Variants in RTEL1 observed in about 807,000 individuals in gnomAD.
RTEL1 encodes the protein regulator of telomere length.
RTEL1 carries 86 observed loss-of-function variants against 162.2 expected under a neutral mutation model. The ratio of observed to expected loss-of-function variants is 0.53; its 90% CI spans 0.45 to 0.63. The LOEUF is 0.63. Ranked by LOEUF, RTEL1 falls within the 30% of genes least tolerant of loss-of-function variation. The probability of loss-of-function intolerance (pLI) is 0.00; values close to 1 mark genes in which losing one functional copy is unlikely to be tolerated. For missense variants in RTEL1, 1,941 were observed against 1,750.2 expected (o/e 1.11, Z -1.95); for synonymous variants, 958 against 717.9 (o/e 1.33, Z -5.35).
intron 7 of RTEL1, 22 bp downstream of exon 7, chr20:63,666,101 A>T (rs2090121488): frequency 1.2e-6 from 2 of 1,600,302 alleles, no homozygotes; most frequent in Admixed American, 3.3e-5. Context: ...CAGTGAGGCC[A>T]CGACCACTGT....
At chr20:63,680,857 T>A (rs1291068233) in intron 14 of RTEL1, 138 bp downstream of exon 14, 1 of 1,498,554 alleles carries the variant, frequency 6.7e-7, no homozygotes, top group South Asian at 1.3e-5. Flanking sequence ...ATTGGCAAAC[T>A]CTCGGCTCCT....
intron 14 of RTEL1, among the ~76,000 whole-genome samples, chr20:63,683,268 C>G (rs1477526395): frequency 6.6e-6 from 1 of 152,226 alleles, no homozygotes; most frequent in Admixed American, 6.5e-5. Context: ...GCCTGCCCAG[C>G]AGAAGGCTTT....
Position 63,693,474 on chromosome 20 carries a change from T to A in RTEL1, c.2992+191T>A, listed in dbSNP as rs13040927. ...CACCACCTCCACCTCCACCTCCACC[T>A]CCACCTCCACCACCACCTCCACCTC... On this transcript the variant is annotated intron_variant, in intron 30 of 34. Coordinates refer to ENST00000360203, the MANE Select transcript of RTEL1 (RefSeq NM_001283009.2). Among the ~76,000 whole-genome samples the A allele has an allele frequency of 0.41, 3,414 of 8,312 alleles. 470 individuals are homozygous for A. The highest frequency in any genetic ancestry group is 0.48 in the Admixed American group (357 of 748). 5.5% of individuals were successfully genotyped at this position (8,312 alleles called of 152,430 possible). A position where few individuals can be genotyped will look rare whatever the true frequency, so the allele number is the denominator to read the frequency against.
intron 30 of RTEL1, among the ~76,000 whole-genome samples, chr20:63,693,975 G>A (rs2090895317): frequency 6.6e-6 from 1 of 151,510 alleles, no homozygotes; most frequent in Non-Finnish European, 1.5e-5. Context: ...TTGGGGTGGA[G>A]TCCAAGTCTC....
In RTEL1 at chr20:63,661,730, A is replaced by G. The variant is rs1375406614; in HGVS notation, c.302-120A>G. 6.2e-6 allele frequency: 6 copies of G among 974,072 alleles called. No individual in the cohort carries two copies. The highest frequency in any genetic ancestry group is 9.6e-6 in the Non-Finnish European group (6 of 625,432). 60.3% of individuals were successfully genotyped at this position (974,072 alleles called of 1,614,324 possible). A position where few individuals can be genotyped will look rare whatever the true frequency, so the allele number is the denominator to read the frequency against. On this transcript the variant is annotated intron_variant, in intron 3 of 34. Coordinates refer to ENST00000360203, the MANE Select transcript of RTEL1 (RefSeq NM_001283009.2). The surrounding 1 kb of genome is among the most constrained non-coding windows in gnomAD (Gnocchi z 5.1). ...CTTCACCCATTTTTGATAAACCAGT[A>G]TCTGGGGTGTCAGATTCTTGGCTGT...
intron 30 of RTEL1, among the ~76,000 whole-genome samples, chr20:63,693,897 G>C (rs891388787): frequency 2.7e-5 from 4 of 150,234 alleles, no homozygotes; most frequent in African/African-American, 9.8e-5. Flanking sequence ...GCATGGTCCT[G>C]GGGGGTCAAC....
chr20:63,692,963 C>G lies in RTEL1; in HGVS notation c.2811C>G (p.Pro937=). The change falls in exon 29 of 35, where the codon CCC becomes CCG. Residue 937 remains proline (P), a synonymous_variant. Transcript: ENST00000360203. The part of the protein sequence containing the change: ...DFAALAACLG[P]LFAEDPKKHN... ...CCGCCCTGGCCGCCTGTCTCGGCCC[C>G]CTCTTTGCTGAGGACCCCAAGAAGC... The G allele has an allele frequency of 6.2e-7, 1 of 1,612,662 alleles. No homozygotes were observed. Among genetic ancestry groups the G allele is most frequent in the Non-Finnish European group, 8.5e-7 (1 of 1,179,850 alleles).
intron 12 of RTEL1, 126 bp downstream of exon 12, chr20:63,678,472 G>T: frequency 1.2e-6 from 1 of 863,314 alleles, no homozygotes; most frequent in Non-Finnish European, 1.8e-6. Context: ...CCCTTTTTGA[G>T]ACCTGGGAGG....
chr20:63,661,209 C>T lies in RTEL1; in HGVS notation c.103-89C>T, dbSNP rs751642972. 50 of 1,255,088 alleles carry T rather than the reference C, an allele frequency of 4.0e-5. No homozygotes were observed. Among genetic ancestry groups the T allele is most frequent in the Middle Eastern group, 2.7e-4 (1 of 3,686 alleles). 77.7% of individuals were successfully genotyped at this position (1,255,088 alleles called of 1,614,324 possible). On this transcript the variant is annotated intron_variant, in intron 2 of 34. Transcript: ENST00000360203. The surrounding 1 kb of genome is among the most constrained non-coding windows in gnomAD (Gnocchi z 5.1). ...GCCTCTGCATCTGCAAAGAGCTGCCCGCTGGCTGCCGAAGCTTGTCTCAGG... is the reference window on the plus strand; with the variant it reads ...GCCTCTGCATCTGCAAAGAGCTGCCTGCTGGCTGCCGAAGCTTGTCTCAGG...
chr20:63,695,902 C>T lies in RTEL1; in HGVS notation c.*44C>T, dbSNP rs936817796. 1.0e-5 allele frequency: 16 copies of T among 1,534,056 alleles called. No homozygotes were observed. The highest frequency in any genetic ancestry group is 2.3e-4 in the Middle Eastern group (1 of 4,394). On this transcript the variant is annotated 3_prime_UTR_variant, in exon 35 of 35. Transcript: ENST00000360203. ...AGCACACCCAACGTGGCTTGATCAC[C>T]TGCCTGTCCAGCTCTGGTGGGCCAA...
At chr20:63,665,852 C>G in intron 6 of RTEL1, 152 bp from the exon 7 acceptor site, 3 of 632,930 alleles carry the variant, frequency 4.7e-6, no homozygotes, top group Non-Finnish European at 8.2e-6. Context: ...CACCTGAGAC[C>G]CTCAGTGGGT....
chr20:63,691,873 A>G (rs771644853), intron 28 of RTEL1, 36 bp downstream of exon 28: 1 of 1,561,996 alleles, frequency 6.4e-7, no homozygotes, highest in Non-Finnish European at 8.8e-7. Flanking sequence ...GCCGACCACC[A>G]TAGACACGCA....
In RTEL1 at chr20:63,685,560, G is replaced by C. The variant is rs774289758; in HGVS notation, c.1229G>C (p.Gly410Ala). The C allele has an allele frequency of 3.7e-6, 6 of 1,612,622 alleles. No homozygotes were observed. The highest frequency in any genetic ancestry group is 8.5e-7 in the Non-Finnish European group (1 of 1,179,872). ...GTGGACCCCTCCGAGGGCAGCCCTGGTTCCCCAGCAGGGCTGGGGGCCTTA... is the reference window on the plus strand; with the variant it reads ...GTGGACCCCTCCGAGGGCAGCCCTGCTTCCCCAGCAGGGCTGGGGGCCTTA... ...FSVDPSEGSPGSPAGLGALQS... is the reference protein window; with the variant it reads ...FSVDPSEGSPASPAGLGALQS... The change falls in exon 15 of 35, where the codon GGT (glycine) becomes GCT (alanine). Residue 410 changes from glycine to alanine, a missense_variant. Gly to Ala is a moderately conservative substitution (Grantham distance 60). Transcript: ENST00000360203.
chr20:63,659,568 C>A, intron 2 of RTEL1, 64 bp downstream of exon 2: 1 of 1,244,588 alleles, frequency 8.0e-7, no homozygotes. Context: ...ACGGGGTGTG[C>A]TTCCCTCTCC....
At chr20:63,687,594 C>G in intron 16 of RTEL1, 44 bp from the exon 17 acceptor site, 1 of 1,558,764 alleles carries the variant, frequency 6.4e-7, no homozygotes, top group Non-Finnish European at 8.7e-7. Context: ...GGCCCCCAGT[C>G]CCGTCCTCAC....
chr20:63,680,599 G>A (rs964205355), intron 13 of RTEL1, 65 bp from the exon 14 acceptor site: 4 of 1,562,258 alleles, frequency 2.6e-6, no homozygotes, highest in African/African-American at 2.7e-5. Context: ...TGCTGGAAGG[G>A]CCGGGGCTGG....
At chr20:63,684,834 C>G (rs1411591905) in intron 14 of RTEL1, among the ~76,000 whole-genome samples, 1 of 151,980 alleles carries the variant, frequency 6.6e-6, no homozygotes, top group Non-Finnish European at 1.5e-5. Flanking sequence ...GTCAGCGTGT[C>G]TACTTCCTGT....
chr20:63,693,946 TC>T (rs2090894186), intron 30 of RTEL1, among the ~76,000 whole-genome samples: 1 of 151,308 alleles, frequency 6.6e-6, no homozygotes, highest in Non-Finnish European at 1.5e-5. Flanking sequence ...ACCCCTGTCC[TC>T]CCTGTTTCTG....
At chr20:63,691,961 C>T in intron 28 of RTEL1, 124 bp downstream of exon 28, 1 of 697,394 alleles carries the variant, frequency 1.4e-6, no homozygotes, top group Non-Finnish European at 2.4e-6. Context: ...GAGCTGATGT[C>T]CAGGGCAGCT....
Sources: allele counts gnomAD v4.1 joint callset (sites outside exome capture counted in the v4.1 genomes callset), GRCh38; gene constraint gnomAD v4.1.1; non-coding constraint Gnocchi (gnomAD v3.1); transcripts MANE v1.5; gene names NCBI Gene and HGNC (gene_info 2026-07-23, HGNC 2026-07-21).